The following FRMD4B variants were observed in gnomAD, a reference collection of about 807,000 sequenced individuals.
FRMD4B encodes the protein FERM domain containing 4B, also known as FERM domain-containing protein 4B.
Under a neutral mutation model 141.5 loss-of-function variants are expected in FRMD4B, and 74 were observed. The ratio of observed to expected loss-of-function variants is 0.52; its 90% CI spans 0.43 to 0.63. FRMD4B has a LOEUF of 0.63. Ranked by LOEUF, FRMD4B falls within the 30% of genes least tolerant of loss-of-function variation. The pLI is 0.00. For synonymous variants in FRMD4B, 506 were observed against 467.9 expected, an observed-to-expected ratio of 1.08 and a Z score of -1.05; for missense variants, 1,366 against 1,253.4, an observed-to-expected ratio of 1.09 and a Z score of -1.36.
At chr3:69,187,554 T>C (rs187193355) in intron 19 of FRMD4B, among the ~76,000 whole-genome samples, 3,845 of 145,842 alleles carry the variant, frequency 0.026, 135 homozygotes, top group African/African-American at 0.077. Context: ...AAAAAAAAAA[T>C]ATATATATAT....
intron 22 of FRMD4B, among the ~76,000 whole-genome samples, chr3:69,175,983 T>C (rs2092641100): frequency 6.6e-6 from 1 of 151,954 alleles, no homozygotes; most frequent in Admixed American, 6.6e-5. Context: ...GGTTTCACCG[T>C]GTTAGCCAGG....
intron 1 of FRMD4B, among the ~76,000 whole-genome samples, chr3:69,486,247 T>C (rs1351532436): frequency 6.6e-6 from 1 of 152,190 alleles, no homozygotes; most frequent in Non-Finnish European, 1.5e-5. Context: ...CCGTAAGTTG[T>C]TGGGGTAAAG....
rs34697144 is a variant in FRMD4B, at chr3:69,219,162, C to CAAAA, written c.732-787_732-784dup. On this transcript the variant is annotated intron_variant, in intron 9 of 22. Transcript: ENST00000398540. ...CCTGGGTGACAGAGTGAGAATCTGT[C>CAAAA]AAAAAAAAAAAAAAAGTCCCCCCAA... Among the ~76,000 whole-genome samples the CAAAA allele has an allele frequency of 4.6e-5, 6 of 130,882 alleles. No individual in the cohort carries two copies. In the South Asian group the frequency reaches 9.9e-4, roughly 22 times the overall value. The allele number at this position is 130,882 out of a possible 152,430, so 85.9% of individuals were successfully genotyped here.
chr3:69,194,881 T>G, intron 16 of FRMD4B, 141 bp downstream of exon 16: 1 of 636,900 alleles, frequency 1.6e-6, no homozygotes, highest in Admixed American at 3.5e-5. Flanking sequence ...AAAGAAAGAG[T>G]TCAATTTGGT....
intron 4 of FRMD4B, among the ~76,000 whole-genome samples, chr3:69,291,823 T>C (rs1472856505): frequency 2.0e-5 from 3 of 152,012 alleles, no homozygotes; most frequent in African/African-American, 4.8e-5. Context: ...TAGCCACAGG[T>C]AGTTCTGTTG....
chr3:69,262,405 A>C (rs188237271), intron 5 of FRMD4B, among the ~76,000 whole-genome samples: 4 of 150,118 alleles, frequency 2.7e-5, no homozygotes, highest in African/African-American at 9.8e-5. Flanking sequence ...AGGCACTAGG[A>C]TCTTCAAAGC....
At chr3:69,375,434 A>G (rs901645734) in intron 1 of FRMD4B, among the ~76,000 whole-genome samples, 4 of 152,130 alleles carry the variant, frequency 2.6e-5, no homozygotes, top group African/African-American at 9.7e-5. Context: ...AACCATCCCA[A>G]GAAAATAACT....
intron 1 of FRMD4B, among the ~76,000 whole-genome samples, chr3:69,333,373 C>A (rs956198219): frequency 6.6e-6 from 1 of 152,130 alleles, no homozygotes; most frequent in Non-Finnish European, 1.5e-5. Flanking sequence ...TCCCGTGGTG[C>A]AGACGGGGAT....
At chr3:69,341,662 T>A (rs1176743999) in intron 1 of FRMD4B, among the ~76,000 whole-genome samples, 4 of 152,158 alleles carry the variant, frequency 2.6e-5, no homozygotes, top group Non-Finnish European at 4.4e-5. Context: ...AAAATTCAGG[T>A]GTTGCCAATG....
At chr3:69,185,729 A>G (rs961492923) in intron 19 of FRMD4B, among the ~76,000 whole-genome samples, 2 of 152,190 alleles carry the variant, frequency 1.3e-5, no homozygotes, top group Admixed American at 1.3e-4. Flanking sequence ...AAACATAAAC[A>G]GTATCTGGGA....
intron 1 of FRMD4B, among the ~76,000 whole-genome samples, chr3:69,481,231 C>G (rs1310977808): frequency 6.6e-6 from 1 of 152,172 alleles, no homozygotes; most frequent in Admixed American, 6.5e-5. Context: ...CCTGCGCCCA[C>G]TGTCTGGCAC....
intron 7 of FRMD4B, among the ~76,000 whole-genome samples, chr3:69,241,528 T>A (rs2093383257): frequency 6.6e-6 from 1 of 152,218 alleles, no homozygotes; most frequent in Admixed American, 6.5e-5. Flanking sequence ...AAACGTTTCA[T>A]TTCTGTCAAG....
chr3:69,323,901 T>C (rs368571372), intron 1 of FRMD4B, among the ~76,000 whole-genome samples: 3 of 152,018 alleles, frequency 2.0e-5, no homozygotes, highest in African/African-American at 4.8e-5. Flanking sequence ...TTAAATCACA[T>C]GTAGTTTAGG....
At chr3:69,266,365 G>A (rs574122422) in intron 5 of FRMD4B, among the ~76,000 whole-genome samples, 6 of 152,188 alleles carry the variant, frequency 3.9e-5, no homozygotes, top group South Asian at 2.1e-4. Flanking sequence ...GCAGCCTGCC[G>A]CCCAGGCTGG....
At chr3:69,384,202 G>A (rs1328603029) in intron 1 of FRMD4B, among the ~76,000 whole-genome samples, 1 of 152,196 alleles carries the variant, frequency 6.6e-6, no homozygotes, top group African/African-American at 2.4e-5. Flanking sequence ...TAGTAGCTCA[G>A]TGTCTCAAAT....
chr3:69,211,857 T>A (rs1342108290), intron 11 of FRMD4B, among the ~76,000 whole-genome samples: 4 of 152,174 alleles, frequency 2.6e-5, no homozygotes, highest in Non-Finnish European at 4.4e-5. Flanking sequence ...CATGGTCCTT[T>A]AAATTATGCA....
intron 1 of FRMD4B, among the ~76,000 whole-genome samples, chr3:69,470,080 G>A (rs988511801): frequency 4.6e-5 from 7 of 152,110 alleles, no homozygotes; most frequent in African/African-American, 1.4e-4. Flanking sequence ...GGAATATTTT[G>A]GATCGGTATT....
intron 7 of FRMD4B, among the ~76,000 whole-genome samples, chr3:69,236,905 C>T (rs560766851): frequency 5.9e-5 from 9 of 152,228 alleles, no homozygotes; most frequent in Non-Finnish European, 1.3e-4. Flanking sequence ...AAGTTAGTTC[C>T]GAAAAACTGA....
intron 2 of FRMD4B, among the ~76,000 whole-genome samples, chr3:69,401,694 T>C (rs1704566588): frequency 6.6e-6 from 1 of 152,094 alleles, no homozygotes; most frequent in South Asian, 2.1e-4. Flanking sequence ...GGACCACACG[T>C]GTGCACCACC....
Sources: allele counts gnomAD v4.1 joint callset (sites outside exome capture counted in the v4.1 genomes callset), GRCh38; gene constraint gnomAD v4.1.1; transcripts MANE v1.5; gene names NCBI Gene and HGNC (gene_info 2026-07-23, HGNC 2026-07-21).